Variants in CCSER1 observed in about 807,000 individuals in gnomAD.
The protein encoded by CCSER1 is serine-rich coiled-coil domain-containing protein 1.
In CCSER1, 41 loss-of-function variants were observed where a neutral mutation model predicts 82.0. The observed-to-expected ratio is 0.50, with a 90% CI of 0.39 to 0.65. The LOEUF is 0.65. Among genes scored for constraint, CCSER1 ranks in the 30% least tolerant of loss-of-function variants. CCSER1 has a pLI of 0.00. For missense variants in CCSER1, 1,119 were observed against 1,064.2 expected (o/e 1.05, Z -0.72); for synonymous variants, 414 against 383.9 (o/e 1.08, Z -0.92).
At chr4:91,594,324 T>C (rs975750910) in intron 10 of CCSER1, among the ~76,000 whole-genome samples, 9 of 149,102 alleles carry the variant, frequency 6.0e-5, no homozygotes, top group Non-Finnish European at 1.5e-5. Flanking sequence ...TATATATACA[T>C]ATATGTACAC....
intron 1 of CCSER1, among the ~76,000 whole-genome samples, chr4:90,269,145 C>G (rs553546318): frequency 6.6e-6 from 1 of 152,152 alleles, no homozygotes; most frequent in South Asian, 2.1e-4. Flanking sequence ...AGTTGGAAAA[C>G]TAGCAAAGAA....
At chr4:90,777,160 C>T (rs952724814) in intron 7 of CCSER1, among the ~76,000 whole-genome samples, 1 of 151,898 alleles carries the variant, frequency 6.6e-6, no homozygotes, top group Non-Finnish European at 1.5e-5. Context: ...AGTTCGAGAC[C>T]AGCCCAGCCA....
At chr4:90,485,205 T>A (rs186581408) in intron 5 of CCSER1, among the ~76,000 whole-genome samples, 2 of 152,184 alleles carry the variant, frequency 1.3e-5, no homozygotes, top group African/African-American at 4.8e-5. Flanking sequence ...TGGTGTGCCC[T>A]TTGTTAAGCC....
At chr4:90,910,138 G>A (rs940345494) in intron 8 of CCSER1, among the ~76,000 whole-genome samples, 1 of 152,080 alleles carries the variant, frequency 6.6e-6, no homozygotes, top group African/African-American at 2.4e-5. Context: ...AGTGGGAAGG[G>A]CCATCCTTTT....
chr4:90,318,566 T>C (rs1012665031), intron 3 of CCSER1, among the ~76,000 whole-genome samples: 16 of 152,248 alleles, frequency 1.1e-4, no homozygotes, highest in African/African-American at 3.9e-4. Context: ...ATTTGATTAA[T>C]AAGAAGTAGT....
chr4:90,865,545 T>C (rs565368570), intron 8 of CCSER1, among the ~76,000 whole-genome samples: 1 of 152,192 alleles, frequency 6.6e-6, no homozygotes, highest in South Asian at 2.1e-4. Flanking sequence ...TATGGAAACA[T>C]TAGACTTAGT....
intron 10 of CCSER1, among the ~76,000 whole-genome samples, chr4:91,249,230 T>C (rs1919230): frequency 0.56 from 85,007 of 151,994 alleles, 24,791 homozygotes; most frequent in African/African-American, 0.75. Context: ...GCCATTTCTA[T>C]GTTTTTAGTT....
intron 6 of CCSER1, among the ~76,000 whole-genome samples, chr4:90,665,241 T>C (rs1731509553): frequency 6.6e-6 from 1 of 152,154 alleles, no homozygotes; most frequent in African/African-American, 2.4e-5. Context: ...TTGTATGTCA[T>C]GTATTTTCTG....
At chr4:90,197,196 A>T (rs1176925985) in intron 1 of CCSER1, among the ~76,000 whole-genome samples, 1 of 152,160 alleles carries the variant, frequency 6.6e-6, no homozygotes, top group African/African-American at 2.4e-5. Flanking sequence ...GATACAGATG[A>T]CTAGCCAGAT....
rs2148816756 is a variant in CCSER1, at chr4:91,085,998, A to C, written c.2217+4A>C. 1 of 1,511,940 alleles carries C rather than the reference A, an allele frequency of 6.6e-7. No individual in the cohort carries two copies. Among genetic ancestry groups the C allele is most frequent in the African/African-American group, 1.4e-5 (1 of 72,174 alleles). The allele number at this position is 1,511,940 out of a possible 1,614,324, so 93.7% of individuals were successfully genotyped here. A position where few individuals can be genotyped will look rare whatever the true frequency, so the allele number is the denominator to read the frequency against. ...GACAGTACAAGGAGGGAGAGAGGTAAGAATGTTTAAAGAAGAGGGGTGGGA... is the reference window on the plus strand; with the variant it reads ...GACAGTACAAGGAGGGAGAGAGGTACGAATGTTTAAAGAAGAGGGGTGGGA... On this transcript the variant is annotated splice_donor_region_variant and intron_variant, in intron 10 of 10. Transcript: ENST00000509176.
At chr4:90,606,539 T>A (rs1366212885) in intron 5 of CCSER1, among the ~76,000 whole-genome samples, 1 of 152,180 alleles carries the variant, frequency 6.6e-6, no homozygotes, top group Non-Finnish European at 1.5e-5. Flanking sequence ...GTCCCACACT[T>A]GACGTGATAT....
Position 91,599,138 on chromosome 4 carries a change from G to A in CCSER1, c.*81G>A, listed in dbSNP as rs1578894014. 1.4e-6 allele frequency: 2 copies of A among 1,381,024 alleles called. No individual in the cohort carries two copies. Among genetic ancestry groups the A allele is most frequent in the Non-Finnish European group, 1.9e-6 (2 of 1,049,168 alleles). The allele number at this position is 1,381,024 out of a possible 1,614,324, so 85.5% of individuals were successfully genotyped here. On this transcript the variant is annotated 3_prime_UTR_variant, in exon 11 of 11. Coordinates refer to ENST00000509176, the MANE Select transcript of CCSER1 (RefSeq NM_001145065.2). ...GCATAGTTCATATTAAAATTGTCAT[G>A]TACTTTTTCTTACATTTTAGTTATA...
intron 10 of CCSER1, among the ~76,000 whole-genome samples, chr4:91,133,274 C>G (rs1349298355): frequency 6.6e-6 from 1 of 150,538 alleles, no homozygotes; most frequent in African/African-American, 2.4e-5. Context: ...TTTCCTTTTT[C>G]TTTCATTCCT....
chr4:90,504,223 T>C (rs1450962007), intron 5 of CCSER1, among the ~76,000 whole-genome samples: 1 of 152,188 alleles, frequency 6.6e-6, no homozygotes, highest in African/African-American at 2.4e-5. Flanking sequence ...AATCCTAAAT[T>C]TCCATGAACT....
At chr4:91,385,665 G>T (rs954102676) in intron 10 of CCSER1, among the ~76,000 whole-genome samples, 2 of 151,862 alleles carry the variant, frequency 1.3e-5, no homozygotes, top group Non-Finnish European at 2.9e-5. Flanking sequence ...CTTAATTTTT[G>T]TGACTTTGGA....
chr4:90,158,009 C>T (rs1480963265), intron 1 of CCSER1, among the ~76,000 whole-genome samples: 1 of 152,096 alleles, frequency 6.6e-6, no homozygotes, highest in Non-Finnish European at 1.5e-5. Context: ...GTGGTTTTAT[C>T]TACTTTTGGT....
chr4:90,751,897 T>A (rs1291306501), intron 7 of CCSER1, among the ~76,000 whole-genome samples: 1 of 152,064 alleles, frequency 6.6e-6, no homozygotes, highest in Non-Finnish European at 1.5e-5. Context: ...TTAAAACCTT[T>A]TAAGTTATAA....
intron 10 of CCSER1, among the ~76,000 whole-genome samples, chr4:91,144,292 A>G (rs893757899): frequency 2.6e-5 from 4 of 151,506 alleles, no homozygotes; most frequent in Admixed American, 6.6e-5. Context: ...TTGCATTTCT[A>G]TGGGATTGAT....
At chr4:91,382,966 T>C (rs1751025883) in intron 10 of CCSER1, among the ~76,000 whole-genome samples, 1 of 152,042 alleles carries the variant, frequency 6.6e-6, no homozygotes, top group South Asian at 2.1e-4. Flanking sequence ...GAAAAAAGAT[T>C]CTGACTCCCT....
Sources: allele counts gnomAD v4.1 joint callset (sites outside exome capture counted in the v4.1 genomes callset), GRCh38; gene constraint gnomAD v4.1.1; transcripts MANE v1.5; gene names NCBI Gene and HGNC (gene_info 2026-07-23, HGNC 2026-07-21).